The following MYO1D variants were observed in gnomAD, a reference collection of about 807,000 sequenced individuals.
The protein encoded by MYO1D is unconventional myosin-Id.
Under a neutral mutation model 122.0 loss-of-function variants are expected in MYO1D, and 83 were observed. That is an observed-to-expected ratio of 0.68 (90% CI 0.57 to 0.82). The LOEUF is 0.82. Ranked by LOEUF, MYO1D falls within the 40% of genes least tolerant of loss-of-function variation. The pLI, the probability that MYO1D is intolerant of heterozygous loss-of-function variation, is 0.00. For missense variants in MYO1D, 1,157 were observed against 1,269.5 expected (o/e 0.91, Z 1.35); for synonymous variants, 464 against 446.9 (o/e 1.04, Z -0.48).
chr17:32,502,778 A>G (rs1398605737), intron 21 of MYO1D, among the ~76,000 whole-genome samples: 1 of 152,090 alleles, frequency 6.6e-6, no homozygotes, highest in Non-Finnish European at 1.5e-5. Flanking sequence ...ACTTCGCCAC[A>G]CTCTGGAAAT....
intron 16 of MYO1D, among the ~76,000 whole-genome samples, chr17:32,707,061 T>C (rs1328368014): frequency 4.6e-5 from 7 of 152,152 alleles, no homozygotes; most frequent in Non-Finnish European, 5.9e-5. Flanking sequence ...AATTTCATTA[T>C]ATTGAGAGTG....
At chr17:32,552,737 A>G (rs555602991) in intron 21 of MYO1D, among the ~76,000 whole-genome samples, 3 of 152,296 alleles carry the variant, frequency 2.0e-5, no homozygotes, top group South Asian at 4.1e-4. Flanking sequence ...AGCTTCTTAA[A>G]CCGGGACACG....
At chr17:32,766,048 C>A (rs1036322299) in intron 7 of MYO1D, among the ~76,000 whole-genome samples, 1 of 152,004 alleles carries the variant, frequency 6.6e-6, no homozygotes, top group Non-Finnish European at 1.5e-5. Context: ...CCATGCCTGG[C>A]TAATTTTTGT....
intron 16 of MYO1D, among the ~76,000 whole-genome samples, chr17:32,707,742 T>C (rs371078083): frequency 2.0e-5 from 3 of 152,240 alleles, no homozygotes; most frequent in Non-Finnish European, 2.9e-5. Context: ...ATACAAATAA[T>C]GTAGATTGTG....
intron 21 of MYO1D, among the ~76,000 whole-genome samples, chr17:32,541,308 C>T (rs1350044313): frequency 3.3e-5 from 5 of 152,248 alleles, no homozygotes; most frequent in African/African-American, 7.2e-5. Flanking sequence ...GAAAATGTTA[C>T]GCCAAGAGGA....
intron 21 of MYO1D, among the ~76,000 whole-genome samples, chr17:32,537,654 T>C (rs943467551): frequency 2.0e-5 from 3 of 152,184 alleles, no homozygotes; most frequent in African/African-American, 7.2e-5. Flanking sequence ...ATGACCAGTT[T>C]GAACTGAGGG....
At chr17:32,713,824 A>G (rs2089409354) in intron 15 of MYO1D, among the ~76,000 whole-genome samples, 1 of 152,026 alleles carries the variant, frequency 6.6e-6, no homozygotes, top group Admixed American at 6.6e-5. Flanking sequence ...GGGTTTTACC[A>G]TGTTGGCCAG....
chr17:32,791,633 C>G (rs1287175834), intron 1 of MYO1D, among the ~76,000 whole-genome samples: 1 of 151,892 alleles, frequency 6.6e-6, no homozygotes, highest in Non-Finnish European at 1.5e-5. Context: ...AATTAAGAAG[C>G]AAATAGAGCA....
intron 21 of MYO1D, among the ~76,000 whole-genome samples, chr17:32,584,645 A>G (rs1008582306): frequency 6.6e-6 from 1 of 151,874 alleles, no homozygotes; most frequent in Non-Finnish European, 1.5e-5. Flanking sequence ...GGTGCATGCC[A>G]CCACACCCTG....
chr17:32,648,210 T>G (rs1443428016), intron 19 of MYO1D, among the ~76,000 whole-genome samples: 11 of 151,882 alleles, frequency 7.2e-5, no homozygotes, highest in Non-Finnish European at 1.5e-4. Context: ...TAAGACTGCC[T>G]CAAAAAAACA....
In MYO1D at chr17:32,583,226, T is replaced by C. The variant is rs957069372; in HGVS notation, c.2864+21861A>G. Among the ~76,000 whole-genome samples, 8 of 152,372 alleles carry C rather than the reference T, an allele frequency of 5.3e-5. No homozygotes were observed. In the East Asian group the frequency reaches 9.6e-4, roughly 18 times the overall value. ...TTCTCTATTGCTCTCTTGCTTGCAT[T>C]GTTTCCAACGAGAAATCCTCTGTCA... On this transcript the variant is annotated intron_variant, in intron 21 of 21. Coordinates refer to ENST00000318217, the MANE Select transcript of MYO1D (RefSeq NM_015194.3).
At chr17:32,537,393 C>T (rs1597883057) in intron 21 of MYO1D, among the ~76,000 whole-genome samples, 1 of 152,004 alleles carries the variant, frequency 6.6e-6, no homozygotes, top group Non-Finnish European at 1.5e-5. Flanking sequence ...ATGGAAGAGC[C>T]GAGTACTTGT....
intron 21 of MYO1D, among the ~76,000 whole-genome samples, chr17:32,577,915 A>T (rs2087294007): frequency 6.6e-6 from 1 of 151,898 alleles, no homozygotes; most frequent in Non-Finnish European, 1.5e-5. Context: ...ATTTTTTTGT[A>T]TTTTTAGTAG....
At position 32,721,173 on chromosome 17, in the gene MYO1D, C is replaced by T. The variant is rs368634646; in HGVS notation, c.1763G>A (p.Arg588His). Residue 588 changes from arginine to histidine, a missense_variant, in exon 15 of 22, where the codon CGT (arginine) becomes CAT (histidine). Physicochemically the swap from Arg to His is conservative, Grantham distance 29 (BLOSUM62 0). Coordinates refer to ENST00000318217, the MANE Select transcript of MYO1D (RefSeq NM_015194.3). ...NLASKEPYYV[R>H]CIKPNDKKSP... ...TTTCTTGTCATTGGGTTTGATGCAACGAACGTAATATGGTTCCTAAAGAAA... is the reference window on the plus strand; with the variant it reads ...TTTCTTGTCATTGGGTTTGATGCAATGAACGTAATATGGTTCCTAAAGAAA... The T allele has an allele frequency of 9.3e-6, 15 of 1,613,518 alleles. No homozygotes were observed. The highest frequency in any genetic ancestry group is 8.3e-5 in the Admixed American group (5 of 59,906).
At chr17:32,850,110 C>T (rs2090973315) in intron 1 of MYO1D, among the ~76,000 whole-genome samples, 2 of 152,200 alleles carry the variant, frequency 1.3e-5, no homozygotes, top group African/African-American at 2.4e-5. Flanking sequence ...ATCAGTCTTA[C>T]TGCAATCCTT....
Position 32,534,780 on chromosome 17 carries a change from T to C in MYO1D, c.2865-39865A>G, listed in dbSNP as rs557949048. Among the ~76,000 whole-genome samples, 42 of 152,282 alleles carry C rather than the reference T, an allele frequency of 2.8e-4. No homozygotes were observed. In the South Asian group the frequency reaches 8.5e-3, roughly 31 times the overall value. On this transcript the variant is annotated intron_variant, in intron 21 of 21. Transcript: ENST00000318217. ...CATTACTGAAGAAATCCCCCCCTTT[T>C]TCTCTTTACACCCCGTAGATGTGAG...
intron 1 of MYO1D, among the ~76,000 whole-genome samples, chr17:32,781,235 AAATT>A (rs1285312773): frequency 6.6e-6 from 1 of 152,212 alleles, no homozygotes; most frequent in African/African-American, 2.4e-5. Context: ...AAATGTTAGT[AAATT>A]AATATAAACA....
At chr17:32,639,361 TTTTG>T (rs771071776) in intron 19 of MYO1D, among the ~76,000 whole-genome samples, 7,166 of 65,576 alleles carry the variant, frequency 0.11, 270 homozygotes, top group Admixed American at 0.14. Flanking sequence ...TTGGGAGAAA[TTTTG>T]TGTGTGTGTG....
At chr17:32,535,972 A>T (rs1910652388) in intron 21 of MYO1D, among the ~76,000 whole-genome samples, 1 of 152,226 alleles carries the variant, frequency 6.6e-6, no homozygotes, top group Admixed American at 6.5e-5. Context: ...ATAGCTGCAG[A>T]CTGGAAGAGT....
Sources: allele counts gnomAD v4.1 joint callset (sites outside exome capture counted in the v4.1 genomes callset), GRCh38; gene constraint gnomAD v4.1.1; transcripts MANE v1.5; gene names NCBI Gene and HGNC (gene_info 2026-07-23, HGNC 2026-07-21).